The following DACH1 variants were observed in gnomAD, a reference collection of about 807,000 sequenced individuals.
DACH1 encodes the protein dachshund family transcription factor 1, also known as dachshund homolog 1.
A neutral mutation model predicts 54.2 loss-of-function variants in DACH1; 12 were observed. The observed-to-expected ratio is 0.22, with a 90% CI of 0.14 to 0.36. The LOEUF is 0.36. Ranked by LOEUF, DACH1 falls within the 10% of genes least tolerant of loss-of-function variation. DACH1 has a pLI of 1.00. For missense variants in DACH1, 805 were observed against 929.8 expected, an observed-to-expected ratio of 0.87 and a Z score of 1.75; for synonymous variants, 386 against 366.2, an observed-to-expected ratio of 1.05 and a Z score of -0.62.
chr13:71,604,025 T>C (rs962243952), intron 3 of DACH1, among the ~76,000 whole-genome samples: 3 of 151,842 alleles, frequency 2.0e-5, no homozygotes, highest in East Asian at 3.9e-4. Context: ...TTATGTCACA[T>C]TGTGGGGGGC....
chr13:71,783,230 A>T (rs1886457461), intron 1 of DACH1, among the ~76,000 whole-genome samples: 1 of 152,180 alleles, frequency 6.6e-6, no homozygotes, highest in African/African-American at 2.4e-5. Context: ...ATCCATAGTG[A>T]TGCCTTCATA....
At chr13:71,518,198 G>T (rs1881303571) in intron 6 of DACH1, among the ~76,000 whole-genome samples, 1 of 151,758 alleles carries the variant, frequency 6.6e-6, no homozygotes, top group African/African-American at 2.4e-5. Flanking sequence ...TTTAAATAAG[G>T]TCATAAGGGT....
chr13:71,803,383 C>G (rs1887365207), intron 1 of DACH1, among the ~76,000 whole-genome samples: 1 of 152,080 alleles, frequency 6.6e-6, no homozygotes, highest in African/African-American at 2.4e-5. Context: ...AGGATAGTTA[C>G]TAAAGAATTG....
intron 6 of DACH1, among the ~76,000 whole-genome samples, chr13:71,547,483 A>G (rs907510280): frequency 2.0e-5 from 3 of 152,172 alleles, no homozygotes; most frequent in African/African-American, 4.8e-5. Context: ...AAACTGTAGC[A>G]TAAGATACTA....
intron 10 of DACH1, among the ~76,000 whole-genome samples, chr13:71,453,646 A>G (rs574540608): frequency 4.8e-4 from 73 of 152,272 alleles, no homozygotes; most frequent in Admixed American, 3.8e-3. Flanking sequence ...TTTCTCCAAC[A>G]TGACTAATTT....
intron 1 of DACH1, among the ~76,000 whole-genome samples, chr13:71,752,108 C>G (rs1455984549): frequency 6.6e-6 from 1 of 152,074 alleles, no homozygotes; most frequent in African/African-American, 2.4e-5. Flanking sequence ...CCTGAAGCAA[C>G]AGCAAATAAG....
intron 1 of DACH1, among the ~76,000 whole-genome samples, chr13:71,720,387 A>G (rs1474106662): frequency 6.6e-6 from 1 of 152,186 alleles, no homozygotes; most frequent in Non-Finnish European, 1.5e-5. Context: ...TTCCCCAAAT[A>G]TATTTTCTCT....
At chr13:71,748,906 T>TCTCTC (rs1555318093) in intron 1 of DACH1, among the ~76,000 whole-genome samples, 1 of 35,208 alleles carries the variant, frequency 2.8e-5, no homozygotes, top group African/African-American at 6.0e-5. Context: ...TTCTCTTTCT[T>TCTCTC]TCTTTCTTTC....
chr13:71,482,600 A>T (rs1045785087), intron 7 of DACH1, among the ~76,000 whole-genome samples: 4 of 152,166 alleles, frequency 2.6e-5, no homozygotes, highest in African/African-American at 9.7e-5. Flanking sequence ...GAATCAAGAG[A>T]CTGACTGAAA....
intron 2 of DACH1, among the ~76,000 whole-genome samples, chr13:71,668,628 A>T (rs9542730): frequency 0.029 from 4,430 of 151,652 alleles, 70 homozygotes; most frequent in Non-Finnish European, 0.036. Flanking sequence ...TTTTTTTTTT[A>T]AAAATAAAGA....
chr13:71,618,265 T>C (rs1191992672), intron 3 of DACH1, among the ~76,000 whole-genome samples: 1 of 152,062 alleles, frequency 6.6e-6, no homozygotes, highest in Non-Finnish European at 1.5e-5. Flanking sequence ...AGATAACATC[T>C]GTGTGGGGGG....
At chr13:71,469,541 G>T (rs1566277869) in intron 10 of DACH1, among the ~76,000 whole-genome samples, 1 of 152,140 alleles carries the variant, frequency 6.6e-6, no homozygotes, top group Non-Finnish European at 1.5e-5. Context: ...GATGTGGAAA[G>T]CAACTGGACT....
At chr13:71,861,010 A>G (rs1320808557) in intron 1 of DACH1, among the ~76,000 whole-genome samples, 3 of 151,954 alleles carry the variant, frequency 2.0e-5, no homozygotes, top group Non-Finnish European at 4.4e-5. Flanking sequence ...AAATCCTGCC[A>G]AGACTTTAGT....
intron 3 of DACH1, among the ~76,000 whole-genome samples, chr13:71,603,823 C>T (rs1273277176): frequency 1.3e-5 from 2 of 151,620 alleles, no homozygotes; most frequent in Non-Finnish European, 2.9e-5. Context: ...GTATGTGATA[C>T]CGATATTATG....
chr13:71,583,702 A>G (rs935917079), intron 3 of DACH1, among the ~76,000 whole-genome samples: 2 of 152,012 alleles, frequency 1.3e-5, no homozygotes, highest in African/African-American at 4.8e-5. Context: ...TTAGCCGGAC[A>G]TGGTGGTATA....
intron 1 of DACH1, among the ~76,000 whole-genome samples, chr13:71,860,992 T>C (rs140197041): frequency 1.3e-5 from 2 of 151,954 alleles, no homozygotes; most frequent in Admixed American, 6.6e-5. Context: ...CAAGAGTGAT[T>C]TATGCTCAAA....
chr13:71,593,494 A>G (rs1189476346), intron 3 of DACH1, among the ~76,000 whole-genome samples: 2 of 152,136 alleles, frequency 1.3e-5, no homozygotes, highest in African/African-American at 4.8e-5. Context: ...TGGGTAATCA[A>G]TAATACTCCC....
At chr13:71,692,154 A>G (rs1881513959) in intron 1 of DACH1, among the ~76,000 whole-genome samples, 1 of 152,130 alleles carries the variant, frequency 6.6e-6, no homozygotes, top group South Asian at 2.1e-4. Context: ...AACACTTCAT[A>G]AAGTATTAAA....
chr13:71,629,619 G>A (rs1214715328), intron 3 of DACH1, among the ~76,000 whole-genome samples: 1 of 152,074 alleles, frequency 6.6e-6, no homozygotes, highest in Non-Finnish European at 1.5e-5. Context: ...AAAGTAGAGA[G>A]CTGACAATTA....
Sources: gnomAD v4.1 joint callset for allele counts (sites outside exome capture counted in the v4.1 genomes callset) on GRCh38, gnomAD v4.1.1 for gene constraint, MANE v1.5 for transcripts, NCBI Gene and HGNC (gene_info 2026-07-23, HGNC 2026-07-21) for gene names.